The following TTC27 variants were observed in gnomAD, a reference collection of about 807,000 sequenced individuals.
TTC27 encodes the protein tetratricopeptide repeat domain 27.
Under a neutral mutation model 115.9 loss-of-function variants are expected in TTC27, and 79 were observed. The observed-to-expected ratio is 0.68, with a 90% CI of 0.57 to 0.82. TTC27 has a LOEUF of 0.82. TTC27 is among the 40% of genes least tolerant of loss of function. The pLI is 0.00. For missense variants in TTC27, 1,054 were observed against 993.1 expected, an observed-to-expected ratio of 1.06 and a Z score of -0.82; for synonymous variants, 401 against 356.0, an observed-to-expected ratio of 1.13 and a Z score of -1.42.
chr2:32,678,505 G>A (rs955045013), intron 8 of TTC27, among the ~76,000 whole-genome samples: 1 of 151,848 alleles, frequency 6.6e-6, no homozygotes, highest in African/African-American at 2.4e-5. Flanking sequence ...TCGGCTCACT[G>A]CAAGCTCCGC....
At chr2:32,781,619 A>C (rs1352833987) in intron 14 of TTC27, among the ~76,000 whole-genome samples, 1 of 152,148 alleles carries the variant, frequency 6.6e-6, no homozygotes, top group Non-Finnish European at 1.5e-5. Flanking sequence ...CTTTAAAAAA[A>C]AAAATCAATG....
At position 32,635,677 on chromosome 2, in the gene TTC27, C is replaced by T. The variant is rs529650047; in HGVS notation, c.396+1672C>T. ...CCAGCCTGGGTGACAGAGTGAGACT[C>T]CATTTCAAAAAAAGAAAAAAGAAAA... On this transcript the variant is annotated intron_variant, in intron 3 of 19. Transcript: ENST00000317907. Among the ~76,000 whole-genome samples, 25 of 151,268 alleles carry T rather than the reference C, an allele frequency of 1.7e-4. No homozygotes were observed. In the South Asian group the frequency reaches 5.0e-3, roughly 30 times the overall value.
At chr2:32,700,548 T>A (rs906396514) in intron 9 of TTC27, among the ~76,000 whole-genome samples, 5 of 151,840 alleles carry the variant, frequency 3.3e-5, no homozygotes, top group Non-Finnish European at 7.4e-5. Flanking sequence ...AAAAAAAAAT[T>A]TTTTTTTTGA....
At chr2:32,638,784 G>T (rs1664523428) in intron 3 of TTC27, among the ~76,000 whole-genome samples, 2 of 152,044 alleles carry the variant, frequency 1.3e-5, no homozygotes, top group Non-Finnish European at 2.9e-5. Flanking sequence ...GGCATTACTT[G>T]GATTGTTTAG....
chr2:32,692,061 T>C (rs1427515941), intron 9 of TTC27, among the ~76,000 whole-genome samples: 1 of 124,818 alleles, frequency 8.0e-6, no homozygotes, highest in African/African-American at 3.3e-5. Context: ...TTTTTTTTTT[T>C]TGTAGAGACA....
Position 32,696,963 on chromosome 2 carries a change from C to T in TTC27, c.1120-5844C>T, listed in dbSNP as rs374991269. On this transcript the variant is annotated intron_variant, in intron 9 of 19. Transcript: ENST00000317907. The stretch of plus-strand genomic sequence containing the variant: ...CCTGTAATCCTAGCACTTTGGGAGG[C>T]CAAGGTGGGCTCATTGCTTGAGCCC... Among the ~76,000 whole-genome samples the T allele has an allele frequency of 3.3e-5, 5 of 152,100 alleles. No homozygotes were observed. In the East Asian group the frequency reaches 9.6e-4, roughly 29 times the overall value.
At chr2:32,723,603 T>C (rs1667996463) in intron 10 of TTC27, among the ~76,000 whole-genome samples, 1 of 151,974 alleles carries the variant, frequency 6.6e-6, no homozygotes, top group Non-Finnish European at 1.5e-5. Context: ...CTGGGGCCAA[T>C]TGAAATTGAG....
intron 15 of TTC27, among the ~76,000 whole-genome samples, chr2:32,786,516 G>T (rs549783929): frequency 1.3e-5 from 2 of 152,248 alleles, no homozygotes; most frequent in Non-Finnish European, 2.9e-5. Context: ...TTCTCACAGG[G>T]TGTAGAATTT....
chr2:32,795,876 G>A (rs1670687355), intron 16 of TTC27, among the ~76,000 whole-genome samples: 1 of 151,922 alleles, frequency 6.6e-6, no homozygotes, highest in South Asian at 2.1e-4. Flanking sequence ...ACTGCTCCCA[G>A]CCTGAAAGCT....
chr2:32,787,667 T>C (rs1202049445), intron 16 of TTC27, among the ~76,000 whole-genome samples: 2 of 152,172 alleles, frequency 1.3e-5, no homozygotes, highest in African/African-American at 4.8e-5. Flanking sequence ...TTCAAAGCTG[T>C]TGTGTCATCC....
At chr2:32,656,985 CTTT>C (rs11386617) in intron 5 of TTC27, among the ~76,000 whole-genome samples, 9 of 131,432 alleles carry the variant, frequency 6.8e-5, no homozygotes, top group Non-Finnish European at 8.1e-5. Flanking sequence ...TAGCACAATT[CTTT>C]TTTTTTTTTT....
intron 9 of TTC27, among the ~76,000 whole-genome samples, chr2:32,679,979 G>A (rs1405601935): frequency 6.6e-6 from 1 of 152,066 alleles, no homozygotes; most frequent in Non-Finnish European, 1.5e-5. Flanking sequence ...GCAAGACTCC[G>A]CCTCAAACAC....
At chr2:32,723,702 C>CCCTG (rs1668002688) in intron 10 of TTC27, among the ~76,000 whole-genome samples, 1 of 55,626 alleles carries the variant, frequency 1.8e-5, no homozygotes, top group Non-Finnish European at 3.5e-5. Flanking sequence ...CTTCCTCCCT[C>CCCTG]CCTCCCTCCC....
intron 9 of TTC27, among the ~76,000 whole-genome samples, chr2:32,691,591 G>A (rs865794699): frequency 3.3e-5 from 5 of 151,912 alleles, no homozygotes; most frequent in African/African-American, 4.8e-5. Flanking sequence ...GAGCCACCGC[G>A]CCTGGCCTGC....
chr2:32,650,913 C>A (rs1391297198), intron 5 of TTC27, among the ~76,000 whole-genome samples: 2 of 152,108 alleles, frequency 1.3e-5, no homozygotes, highest in Admixed American at 1.3e-4. Flanking sequence ...CTCCTGTATC[C>A]TAGGGAAAGA....
chr2:32,662,074 A>G (rs1665569076), intron 5 of TTC27, among the ~76,000 whole-genome samples: 2 of 152,084 alleles, frequency 1.3e-5, no homozygotes, highest in South Asian at 4.1e-4. Flanking sequence ...TATGTTTATT[A>G]ATTTGCATAT....
chr2:32,674,811 C>G (rs773850468), intron 8 of TTC27, among the ~76,000 whole-genome samples: 4 of 152,100 alleles, frequency 2.6e-5, no homozygotes, highest in Non-Finnish European at 5.9e-5. Flanking sequence ...AGGCGCCCAC[C>G]ACCACAGCTG....
chr2:32,733,388 G>A (rs1429412607), intron 10 of TTC27, among the ~76,000 whole-genome samples: 1 of 152,124 alleles, frequency 6.6e-6, no homozygotes, highest in African/African-American at 2.4e-5. Context: ...TGATCAAATA[G>A]GCTACTTTTT....
chr2:32,633,589 A>G (rs2151858934), intron 2 of TTC27, among the ~76,000 whole-genome samples: 1 of 152,174 alleles, frequency 6.6e-6, no homozygotes, highest in Middle Eastern at 3.4e-3. Context: ...TTTTTTGTAG[A>G]GACAGGGTCT....
Sources: gnomAD v4.1 joint callset for allele counts (sites outside exome capture counted in the v4.1 genomes callset) on GRCh38, gnomAD v4.1.1 for gene constraint, MANE v1.5 for transcripts, NCBI Gene and HGNC (gene_info 2026-07-23, HGNC 2026-07-21) for gene names.